The following FRMD4B variants were observed in gnomAD, a reference collection of about 807,000 sequenced individuals.
The protein encoded by FRMD4B is FERM domain-containing protein 4B.
Under a neutral mutation model 141.5 loss-of-function variants are expected in FRMD4B, and 74 were observed. The ratio of observed to expected loss-of-function variants is 0.52; its 90% CI spans 0.43 to 0.63. FRMD4B has a LOEUF of 0.63. FRMD4B is among the 30% of genes least tolerant of loss of function. The probability of loss-of-function intolerance (pLI) is 0.00; values close to 1 mark genes in which losing one functional copy is unlikely to be tolerated. For synonymous variants in FRMD4B, 506 were observed against 467.9 expected (o/e 1.08, Z -1.05); for missense variants, 1,366 against 1,253.4 (o/e 1.09, Z -1.36).
intron 4 of FRMD4B, chr3:69,292,970 A>T: frequency 2.2e-6 from 1 of 448,644 alleles, no homozygotes; most frequent in Non-Finnish European, 4.5e-6. Flanking sequence ...TTTGGAGACA[A>T]ACCTCGGCTT....
intron 2 of FRMD4B, among the ~76,000 whole-genome samples, chr3:69,311,849 A>C (rs1454684201): frequency 6.6e-6 from 1 of 152,096 alleles, no homozygotes; most frequent in Admixed American, 6.5e-5. Flanking sequence ...GTTACTATTT[A>C]TTATGCTGAA....
intron 11 of FRMD4B, among the ~76,000 whole-genome samples, chr3:69,215,553 A>AG: frequency 6.6e-6 from 1 of 151,940 alleles, no homozygotes; most frequent in Non-Finnish European, 1.5e-5. Flanking sequence ...GGCCTCCCAA[A>AG]GTGCTGGGAT....
intron 22 of FRMD4B, among the ~76,000 whole-genome samples, chr3:69,175,724 C>T (rs920683041): frequency 2.0e-5 from 3 of 150,526 alleles, no homozygotes; most frequent in Non-Finnish European, 4.4e-5. Flanking sequence ...GACTAAAGAA[C>T]AGAATGCGTT....
intron 12 of FRMD4B, 84 bp from the exon 13 acceptor site, chr3:69,197,122 A>AAG (rs972003281): frequency 8.6e-7 from 1 of 1,169,166 alleles, no homozygotes; most frequent in African/African-American, 1.5e-5. Flanking sequence ...CATTGTAACA[A>AAG]AGCATGTTCC....
intron 11 of FRMD4B, among the ~76,000 whole-genome samples, chr3:69,206,825 G>T (rs1313249677): frequency 1.4e-5 from 2 of 147,736 alleles, no homozygotes; most frequent in Admixed American, 7.0e-5. Flanking sequence ...CTCATTTAGG[G>T]CCCCTGTAAA....
chr3:69,442,381 C>T (rs1314414461), intron 1 of FRMD4B, among the ~76,000 whole-genome samples: 1 of 152,010 alleles, frequency 6.6e-6, no homozygotes, highest in Non-Finnish European at 1.5e-5. Context: ...TATGCCCTGC[C>T]AATAAGTTTT....
At chr3:69,205,017 T>G (rs1350092422) in intron 11 of FRMD4B, among the ~76,000 whole-genome samples, 1 of 141,864 alleles carries the variant, frequency 7.0e-6, no homozygotes, top group Non-Finnish European at 1.5e-5. Context: ...CTGCCTTTCT[T>G]ATCTGGGAAG....
At chr3:69,250,939 G>A (rs1346684397) in intron 5 of FRMD4B, among the ~76,000 whole-genome samples, 3 of 150,722 alleles carry the variant, frequency 2.0e-5, no homozygotes, top group Admixed American at 2.0e-4. Context: ...AAAGAAAAAA[G>A]CTTTTTCAGT....
chr3:69,237,542 T>G (rs948831730), intron 7 of FRMD4B, among the ~76,000 whole-genome samples: 1 of 152,140 alleles, frequency 6.6e-6, no homozygotes, highest in African/African-American at 2.4e-5. Flanking sequence ...GCTACAGGTG[T>G]GAGCATGCAA....
intron 1 of FRMD4B, among the ~76,000 whole-genome samples, chr3:69,499,667 T>C (rs1301701143): frequency 6.6e-6 from 1 of 152,164 alleles, no homozygotes; most frequent in Non-Finnish European, 1.5e-5. Context: ...TATCTTATTA[T>C]TCTATCTGCA....
At position 69,169,207 on chromosome 3, in the gene FRMD4B, G is replaced by A. The variant is rs754507438; in HGVS notation, c.*2654C>T. 3.3e-5 allele frequency among the ~76,000 whole-genome samples: 5 copies of A among 152,028 alleles called. No homozygotes were observed. The highest frequency in any genetic ancestry group is 5.9e-5 in the Non-Finnish European group (4 of 68,004). ...TATTTTGTAATAAAAAAGAGGAAAC[G>A]TACATGTTGAATAATGTACTTTTGT... On this transcript the variant is annotated 3_prime_UTR_variant, in exon 23 of 23. Coordinates refer to ENST00000398540, the MANE Select transcript of FRMD4B (RefSeq NM_015123.3).
At chr3:69,191,719 G>A (rs1260660396) in intron 17 of FRMD4B, among the ~76,000 whole-genome samples, 1 of 152,160 alleles carries the variant, frequency 6.6e-6, no homozygotes, top group African/African-American at 2.4e-5. Context: ...CACTGTAAAG[G>A]AGAACATTTG....
intron 1 of FRMD4B, among the ~76,000 whole-genome samples, chr3:69,512,533 T>C (rs1272939964): frequency 2.0e-5 from 3 of 152,222 alleles, no homozygotes; most frequent in African/African-American, 7.2e-5. Context: ...TGGATAGTTC[T>C]GCTCTATAGA....
Position 69,421,576 on chromosome 3 carries a change from G to A in FRMD4B, c.-1+11058C>T, listed in dbSNP as rs190382456. Among the ~76,000 whole-genome samples the A allele has an allele frequency of 3.0e-4, 45 of 152,322 alleles. No homozygotes were observed. In the East Asian group the frequency reaches 8.1e-3, roughly 27 times the overall value. ...GTTGGCAACAAATCAAGCCTGCAGAGCAGTTGGCAATCTTGAGTCTAGATG... is the reference window on the plus strand; with the variant it reads ...GTTGGCAACAAATCAAGCCTGCAGAACAGTTGGCAATCTTGAGTCTAGATG... On this transcript the variant is annotated intron_variant, in intron 2 of 5. Transcript: ENST00000459638.
At chr3:69,528,759 T>C (rs993996180) in intron 1 of FRMD4B, among the ~76,000 whole-genome samples, 11 of 148,484 alleles carry the variant, frequency 7.4e-5, no homozygotes, top group Non-Finnish European at 1.6e-4. Context: ...CAGGAAACAA[T>C]AGTAGGACAG....
intron 11 of FRMD4B, among the ~76,000 whole-genome samples, chr3:69,215,891 C>T (rs772101287): frequency 1.3e-4 from 19 of 151,458 alleles, no homozygotes; most frequent in South Asian, 6.3e-4. Flanking sequence ...TTGTGGCTCA[C>T]GCCTATAATC....
At chr3:69,457,102 TAA>T (rs770516443) in intron 1 of FRMD4B, among the ~76,000 whole-genome samples, 3 of 152,116 alleles carry the variant, frequency 2.0e-5, no homozygotes, top group Non-Finnish European at 2.9e-5. Context: ...CAGAAAAAGT[TAA>T]AGTTATTTTT....
chr3:69,381,351 A>T (rs1278126138), intron 1 of FRMD4B, among the ~76,000 whole-genome samples: 1 of 152,104 alleles, frequency 6.6e-6, no homozygotes. Flanking sequence ...TAGGTGGGAG[A>T]TCTTGTTTCA....
chr3:69,445,035 C>T (rs973977430), intron 1 of FRMD4B, among the ~76,000 whole-genome samples: 2 of 152,088 alleles, frequency 1.3e-5, no homozygotes, highest in African/African-American at 4.8e-5. Context: ...AATAGACAAC[C>T]TTCCAAAAAG....
Sources: gnomAD v4.1 joint callset for allele counts (sites outside exome capture counted in the v4.1 genomes callset) on GRCh38, gnomAD v4.1.1 for gene constraint, MANE v1.5 for transcripts, NCBI Gene and HGNC (gene_info 2026-07-23, HGNC 2026-07-21) for gene names.